Variants in SDC3 observed in about 807,000 individuals in gnomAD.
SDC3 encodes syndecan-3.
In SDC3, 13 loss-of-function variants were observed where a neutral mutation model predicts 24.4. The observed-to-expected ratio is 0.53, with a 90% CI of 0.35 to 0.85. The LOEUF is 0.85. Among genes scored for constraint, SDC3 ranks in the 40% least tolerant of loss-of-function variants. The pLI, the probability that SDC3 is intolerant of heterozygous loss-of-function variation, is 0.01. For synonymous variants in SDC3, 295 were observed against 260.9 expected (o/e 1.13, Z -1.26); for missense variants, 571 against 584.5 (o/e 0.98, Z 0.24).
rs1639497645 is a variant in SDC3 at position 30,869,617 on chromosome 1, G to A, written c.*3594C>T. On this transcript the variant is annotated 3_prime_UTR_variant, in exon 5 of 5. Transcript: ENST00000339394. ...GGAACAGGAGAGTACCCGCAGTGGG[G>A]CAGGCGCCTTGGTCTCTTTTTTCCA... The A allele has an allele frequency of 2.5e-6, 1 of 398,316 alleles. No homozygotes were observed. Among genetic ancestry groups the A allele is most frequent in the Non-Finnish European group, 4.4e-6 (1 of 226,030 alleles). 24.7% of individuals were successfully genotyped at this position (398,316 alleles called of 1,614,324 possible).
At chr1:30,900,237 A>G (rs1247798986) in intron 1 of SDC3, among the ~76,000 whole-genome samples, 1 of 152,200 alleles carries the variant, frequency 6.6e-6, no homozygotes, top group Admixed American at 6.5e-5. Flanking sequence ...GTGAGGACCC[A>G]CTGAGATAAA....
chr1:30,892,828 G>C (rs1557522213), intron 1 of SDC3, among the ~76,000 whole-genome samples: 1 of 152,162 alleles, frequency 6.6e-6, no homozygotes, highest in South Asian at 2.1e-4. Flanking sequence ...CACAAGTATA[G>C]TGACCTGCCC....
rs1477095924 is a variant in SDC3 at position 30,905,385 on chromosome 1, ACAC to A, written c.138+3061_138+3063del. ...CACACACACACACACACACACACAC[ACAC>A]GTCTCCCACCCTTCCACTCCCCACC... is the stretch of plus-strand genomic sequence containing the variant. On this transcript the variant is annotated intron_variant, in intron 1 of 4. Transcript: ENST00000339394. Among the ~76,000 whole-genome samples, 3 of 133,330 alleles carry A rather than the reference ACAC, an allele frequency of 2.3e-5. No homozygotes were observed. In the Admixed American group the frequency reaches 2.4e-4, roughly 11 times the overall value. The allele number at this position is 133,330 out of a possible 152,430, so 87.5% of individuals were successfully genotyped here.
chr1:30,894,184 TAA>T (rs1639950789), intron 1 of SDC3, among the ~76,000 whole-genome samples: 1 of 147,820 alleles, frequency 6.8e-6, no homozygotes, highest in African/African-American at 2.5e-5. Context: ...GGTGTGGGGG[TAA>T]GAGTGCGTGT....
chr1:30,907,175 G>T (rs1316721296), intron 1 of SDC3, among the ~76,000 whole-genome samples: 1 of 152,208 alleles, frequency 6.6e-6, no homozygotes, highest in Non-Finnish European at 1.5e-5. Context: ...CAGCCTGGGG[G>T]ATGCAGGACA....
At chr1:30,885,243 G>A (rs1429204953) in intron 1 of SDC3, among the ~76,000 whole-genome samples, 2 of 152,148 alleles carry the variant, frequency 1.3e-5, no homozygotes, top group African/African-American at 4.8e-5. Context: ...GTAAATGCTG[G>A]CTATTAATAT....
chr1:30,897,216 T>C (rs1352794726), intron 1 of SDC3, among the ~76,000 whole-genome samples: 3 of 152,156 alleles, frequency 2.0e-5, no homozygotes, highest in Non-Finnish European at 4.4e-5. Flanking sequence ...ACAGAGCTCT[T>C]AGTCCCAGCT....
intron 1 of SDC3, among the ~76,000 whole-genome samples, chr1:30,906,752 G>A (rs185710887): frequency 5.1e-4 from 78 of 152,304 alleles, no homozygotes; most frequent in East Asian, 3.3e-3. Flanking sequence ...GCCACGAATC[G>A]GCGGGGGTAG....
chr1:30,904,780 C>T (rs934554811), intron 1 of SDC3, among the ~76,000 whole-genome samples: 6 of 152,168 alleles, frequency 3.9e-5, no homozygotes, highest in African/African-American at 1.4e-4. Context: ...TCAAAACCCT[C>T]CTCCTCCAGG....
At chr1:30,889,843 C>A (rs1639880548) in intron 1 of SDC3, among the ~76,000 whole-genome samples, 1 of 152,080 alleles carries the variant, frequency 6.6e-6, no homozygotes, top group Admixed American at 6.6e-5. Context: ...TAATTCTACT[C>A]CTAGGGTATA....
chr1:30,895,079 T>C (rs1639981397), intron 1 of SDC3, among the ~76,000 whole-genome samples: 1 of 152,044 alleles, frequency 6.6e-6, no homozygotes, highest in African/African-American at 2.4e-5. Flanking sequence ...ATCCACAGTG[T>C]TGCGGGTAAG....
At chr1:30,887,011 C>T (rs558510976) in intron 1 of SDC3, among the ~76,000 whole-genome samples, 109 of 152,250 alleles carry the variant, frequency 7.2e-4, no homozygotes, top group African/African-American at 2.5e-3. Context: ...TGCTCCTAGC[C>T]CTAATCAGTT....
At chr1:30,883,613 A>G (rs1211030401) in intron 1 of SDC3, among the ~76,000 whole-genome samples, 1 of 152,170 alleles carries the variant, frequency 6.6e-6, no homozygotes, top group African/African-American at 2.4e-5. Context: ...GGAGCCGTAT[A>G]AGGCTTTGTC....
intron 1 of SDC3, among the ~76,000 whole-genome samples, chr1:30,891,872 A>G (rs1639910656): frequency 6.6e-6 from 1 of 150,814 alleles, no homozygotes; most frequent in African/African-American, 2.4e-5. Flanking sequence ...AAAAAGAGGA[A>G]GAAGAAGAAG....
chr1:30,904,442 G>A (rs979223440), intron 1 of SDC3, among the ~76,000 whole-genome samples: 4 of 152,006 alleles, frequency 2.6e-5, no homozygotes, highest in Non-Finnish European at 1.5e-5. Flanking sequence ...CCGCTTGTAT[G>A]AGGTGGGAGG....
chr1:30,903,591 A>G (rs978360692), intron 1 of SDC3, among the ~76,000 whole-genome samples: 4 of 152,058 alleles, frequency 2.6e-5, no homozygotes, highest in Non-Finnish European at 5.9e-5. Context: ...GCCCTGGCCA[A>G]TCCCTCCCAC....
intron 1 of SDC3, among the ~76,000 whole-genome samples, chr1:30,889,415 T>C (rs1370722390): frequency 6.6e-6 from 1 of 152,094 alleles, no homozygotes; most frequent in Non-Finnish European, 1.5e-5. Context: ...ACGTACAAAT[T>C]CCATCCTCTT....
chr1:30,894,353 AGTGT>A (rs3080395), intron 1 of SDC3, among the ~76,000 whole-genome samples: 111 of 83,422 alleles, frequency 1.3e-3, no homozygotes, highest in African/African-American at 6.7e-3. Context: ...TGTGTGGATG[AGTGT>A]GTGTGAGTGT....
chr1:30,898,586 C>T (rs567795724), intron 1 of SDC3, among the ~76,000 whole-genome samples: 77 of 152,218 alleles, frequency 5.1e-4, no homozygotes, highest in African/African-American at 1.8e-3. Context: ...TGGTGGTGCC[C>T]AGCGTGATGG....
Sources: allele counts gnomAD v4.1 joint callset (sites outside exome capture counted in the v4.1 genomes callset), GRCh38; gene constraint gnomAD v4.1.1; transcripts MANE v1.5; gene names NCBI Gene and HGNC (gene_info 2026-07-23, HGNC 2026-07-21).